Variants in SPOCK3 observed in about 807,000 individuals in gnomAD.
SPOCK3 encodes the protein SPARC (osteonectin), cwcv and kazal like domains proteoglycan 3.
A neutral mutation model predicts 56.6 loss-of-function variants in SPOCK3; 30 were observed. The observed-to-expected ratio is 0.53, with a 90% CI of 0.40 to 0.72. SPOCK3 has a LOEUF of 0.72. SPOCK3 is among the 30% of genes least tolerant of loss of function. SPOCK3 has a pLI of 0.00. For missense variants in SPOCK3, 527 were observed against 530.0 expected (o/e 0.99, Z 0.06); for synonymous variants, 196 against 183.3 (o/e 1.07, Z -0.56).
chr4:167,008,296 A>G (rs1272664087), intron 3 of SPOCK3, among the ~76,000 whole-genome samples: 1 of 152,032 alleles, frequency 6.6e-6, no homozygotes, highest in Non-Finnish European at 1.5e-5. Flanking sequence ...TCCTACTGTA[A>G]TATAAATATA....
At chr4:166,826,137 TAAAC>T (rs1370265200) in intron 6 of SPOCK3, among the ~76,000 whole-genome samples, 1 of 152,012 alleles carries the variant, frequency 6.6e-6, no homozygotes, top group Non-Finnish European at 1.5e-5. Flanking sequence ...ATATTTCAAA[TAAAC>T]AAAAGCAGAA....
chr4:167,184,541 T>C (rs965711549), intron 2 of SPOCK3, among the ~76,000 whole-genome samples: 3 of 152,168 alleles, frequency 2.0e-5, no homozygotes, highest in Admixed American at 1.3e-4. Context: ...ATCACTAAAC[T>C]ATAAAATAGA....
intron 4 of SPOCK3, among the ~76,000 whole-genome samples, chr4:166,921,956 T>C (rs1307496490): frequency 7.9e-5 from 12 of 152,122 alleles, no homozygotes; most frequent in African/African-American, 2.9e-4. Context: ...AGCCAGGCAG[T>C]GGCCCAGTAG....
intron 4 of SPOCK3, among the ~76,000 whole-genome samples, chr4:166,972,784 A>G (rs1176898761): frequency 1.3e-5 from 2 of 151,576 alleles, no homozygotes; most frequent in Non-Finnish European, 2.9e-5. Context: ...AAAATAATAT[A>G]AAATATATAA....
At chr4:167,164,577 G>A (rs1765595491) in intron 2 of SPOCK3, among the ~76,000 whole-genome samples, 3 of 151,516 alleles carry the variant, frequency 2.0e-5, no homozygotes, top group Admixed American at 2.0e-4. Flanking sequence ...TTGTCCTAAT[G>A]CTCTCCCCCA....
At chr4:167,030,262 C>A (rs927014949) in intron 3 of SPOCK3, among the ~76,000 whole-genome samples, 2 of 151,980 alleles carry the variant, frequency 1.3e-5, no homozygotes, top group African/African-American at 4.8e-5. Context: ...AATCTCATTT[C>A]ATTTTTACTT....
chr4:166,766,435 A>G (rs1004031323), intron 7 of SPOCK3, among the ~76,000 whole-genome samples: 1 of 152,150 alleles, frequency 6.6e-6, no homozygotes, highest in African/African-American at 2.4e-5. Flanking sequence ...TGCTGCCTCT[A>G]TTGAGATAAT....
chr4:166,742,954 T>A (rs2126406173), intron 8 of SPOCK3, among the ~76,000 whole-genome samples: 1 of 152,226 alleles, frequency 6.6e-6, no homozygotes, highest in East Asian at 1.9e-4. Flanking sequence ...AATCTAGAGA[T>A]GATTTAAAGT....
intron 4 of SPOCK3, among the ~76,000 whole-genome samples, chr4:166,952,006 C>T (rs1166663340): frequency 5.3e-5 from 8 of 152,078 alleles, no homozygotes; most frequent in Non-Finnish European, 8.8e-5. Flanking sequence ...GGAAGCATTC[C>T]CTTTGAAAAC....
intron 3 of SPOCK3, among the ~76,000 whole-genome samples, chr4:167,055,642 G>C (rs1754736328): frequency 6.6e-6 from 1 of 152,224 alleles, no homozygotes; most frequent in African/African-American, 2.4e-5. Flanking sequence ...GGTGCACCAG[G>C]AGATTATATC....
intron 2 of SPOCK3, among the ~76,000 whole-genome samples, chr4:167,159,789 C>T (rs927780231): frequency 1.3e-5 from 2 of 152,080 alleles, no homozygotes; most frequent in Non-Finnish European, 2.9e-5. Flanking sequence ...AAGACAAAAA[C>T]CACATGATTA....
intron 6 of SPOCK3, among the ~76,000 whole-genome samples, chr4:166,886,198 T>TA (rs1465857067): frequency 5.9e-5 from 9 of 152,122 alleles, no homozygotes; most frequent in African/African-American, 1.9e-4. Flanking sequence ...TAGAGGCCTC[T>TA]AAAAATCAGC....
intron 2 of SPOCK3, among the ~76,000 whole-genome samples, chr4:167,072,053 T>G (rs80153515): frequency 0.054 from 8,245 of 152,112 alleles, 326 homozygotes; most frequent in African/African-American, 0.11. Context: ...ACTCACCCTG[T>G]ACCAGGAACT....
intron 2 of SPOCK3, among the ~76,000 whole-genome samples, chr4:167,124,266 A>AAT (rs1762102438): frequency 6.6e-6 from 1 of 152,120 alleles, no homozygotes; most frequent in South Asian, 2.1e-4. Flanking sequence ...TATAGTCTAG[A>AAT]TGCTGAGACT....
At chr4:167,160,124 T>C (rs886074187) in intron 2 of SPOCK3, among the ~76,000 whole-genome samples, 3 of 152,160 alleles carry the variant, frequency 2.0e-5, no homozygotes, top group Middle Eastern at 3.2e-3. Flanking sequence ...GATGACATGA[T>C]TGTATATTTA....
intron 2 of SPOCK3, among the ~76,000 whole-genome samples, chr4:167,137,210 T>C (rs1381444375): frequency 6.6e-6 from 1 of 151,970 alleles, no homozygotes; most frequent in Non-Finnish European, 1.5e-5. Context: ...TGAAATATCT[T>C]GAGGCGATAC....
chr4:167,014,540 A>AGGTGTATGTTAAG (rs1208502362), intron 3 of SPOCK3, among the ~76,000 whole-genome samples: 1 of 152,072 alleles, frequency 6.6e-6, no homozygotes, highest in Admixed American at 6.6e-5. Context: ...CTGTAGTCTC[A>AGGTGTATGTTAAG]GCTACTCACA....
intron 2 of SPOCK3, among the ~76,000 whole-genome samples, chr4:167,202,277 C>T (rs1733592806): frequency 6.6e-6 from 1 of 151,806 alleles, no homozygotes; most frequent in Non-Finnish European, 1.5e-5. Flanking sequence ...GCAGCAACTG[C>T]AATCTATTAT....
intron 6 of SPOCK3, among the ~76,000 whole-genome samples, chr4:166,807,683 A>C (rs148799122): frequency 6.6e-6 from 1 of 152,106 alleles, no homozygotes; most frequent in Non-Finnish European, 1.5e-5. Context: ...TGAATAGGAC[A>C]CATACTATAA....
Sources: allele counts gnomAD v4.1 joint callset (sites outside exome capture counted in the v4.1 genomes callset), GRCh38; gene constraint gnomAD v4.1.1; transcripts MANE v1.5; gene names NCBI Gene and HGNC (gene_info 2026-07-23, HGNC 2026-07-21).